Variants in RGL1 observed in about 807,000 individuals in gnomAD.
RGL1 encodes ral guanine nucleotide dissociation stimulator like 1.
In RGL1, 24 loss-of-function variants were observed where a neutral mutation model predicts 95.2. The observed-to-expected ratio is 0.25, with a 90% CI of 0.18 to 0.35. The LOEUF (loss-of-function observed/expected upper bound fraction) is 0.35, where lower values mean the gene tolerates loss of function less well. RGL1 is among the 10% of genes least tolerant of loss of function. RGL1 has a pLI of 1.00. For missense variants in RGL1, 715 were observed against 936.3 expected (o/e 0.76, Z 3.08); for synonymous variants, 329 against 344.9 (o/e 0.95, Z 0.51).
intron 2 of RGL1, among the ~76,000 whole-genome samples, chr1:183,772,158 C>T (rs1185032945): frequency 6.6e-6 from 1 of 152,212 alleles, no homozygotes; most frequent in East Asian, 1.9e-4. Flanking sequence ...ACGATTCTTC[C>T]AAGGCAGGAA....
chr1:183,714,137 A>G (rs986077391), intron 1 of RGL1, among the ~76,000 whole-genome samples: 13 of 152,226 alleles, frequency 8.5e-5, no homozygotes, highest in Non-Finnish European at 1.3e-4. Flanking sequence ...TTTTGAATGA[A>G]CACATGTCAT....
intron 1 of RGL1, among the ~76,000 whole-genome samples, chr1:183,726,359 A>G (rs1656311963): frequency 6.6e-6 from 1 of 152,090 alleles, no homozygotes; most frequent in African/African-American, 2.4e-5. Flanking sequence ...AAAGATCAGT[A>G]TAATAGATAA....
chr1:183,902,657 A>C, intron 12 of RGL1, 57 bp downstream of exon 12: 14 of 1,538,386 alleles, frequency 9.1e-6, no homozygotes, highest in Non-Finnish European at 1.2e-5. Flanking sequence ...AATGAAAGAA[A>C]TGGGGACTTA....
intron 7 of RGL1, among the ~76,000 whole-genome samples, chr1:183,887,174 CT>C (rs1572555361): frequency 7.0e-6 from 1 of 141,874 alleles, no homozygotes; most frequent in Non-Finnish European, 1.5e-5. Flanking sequence ...CTCCCTCCCT[CT>C]TTTCCTCCCT....
intron 10 of RGL1, among the ~76,000 whole-genome samples, chr1:183,898,262 G>A (rs1156831411): frequency 6.6e-6 from 1 of 152,186 alleles, no homozygotes; most frequent in African/African-American, 2.4e-5. Context: ...GCTTCCTACT[G>A]TAGTCAGCTT....
chr1:183,752,666 TTCTC>T (rs1658084903), intron 2 of RGL1, among the ~76,000 whole-genome samples: 1 of 66,814 alleles, frequency 1.5e-5, no homozygotes, highest in Non-Finnish European at 3.0e-5. Context: ...ACACATCTCT[TTCTC>T]TCTTTCTCTC....
chr1:183,824,918 CTATATA>C (rs537552032), intron 2 of RGL1, among the ~76,000 whole-genome samples: 93 of 152,284 alleles, frequency 6.1e-4, no homozygotes, highest in Non-Finnish European at 1.0e-3. Context: ...GCCAAGGTTT[CTATATA>C]TCCTGCAGCA....
chr1:183,749,628 G>A (rs6671886), intron 2 of RGL1, among the ~76,000 whole-genome samples: 105,667 of 152,066 alleles, frequency 0.69, 37,074 homozygotes, highest in East Asian at 0.91. Context: ...AATTTTGCAC[G>A]TTAGTTGATG....
At chr1:183,772,022 G>T (rs925661684) in intron 2 of RGL1, among the ~76,000 whole-genome samples, 3 of 152,238 alleles carry the variant, frequency 2.0e-5, no homozygotes, top group African/African-American at 7.2e-5. Context: ...TTTGGCCAGG[G>T]CAGTCGGAGG....
intron 1 of RGL1, among the ~76,000 whole-genome samples, chr1:183,662,549 C>A (rs893651079): frequency 7.9e-5 from 12 of 151,968 alleles, no homozygotes; most frequent in Admixed American, 2.6e-4. Flanking sequence ...CCACTGCTCA[C>A]TGAAATAAAA....
intron 2 of RGL1, among the ~76,000 whole-genome samples, chr1:183,840,565 T>C (rs934927471): frequency 1.3e-5 from 2 of 152,078 alleles, no homozygotes; most frequent in Non-Finnish European, 2.9e-5. Context: ...TCATTCATTA[T>C]GTGAAACCCA....
At chr1:183,775,170 A>G (rs964441663) in intron 2 of RGL1, among the ~76,000 whole-genome samples, 2 of 152,200 alleles carry the variant, frequency 1.3e-5, no homozygotes, top group Non-Finnish European at 2.9e-5. Context: ...TCACTGTCTC[A>G]GTGATTGACT....
At chr1:183,690,593 A>T (rs1388695774) in intron 1 of RGL1, among the ~76,000 whole-genome samples, 2 of 152,192 alleles carry the variant, frequency 1.3e-5, no homozygotes, top group African/African-American at 4.8e-5. Context: ...GATGGAGGCT[A>T]CACTGCCTGT....
chr1:183,837,698 T>C (rs1252181839), intron 2 of RGL1, among the ~76,000 whole-genome samples: 1 of 152,202 alleles, frequency 6.6e-6, no homozygotes, highest in Non-Finnish European at 1.5e-5. Context: ...ACCTGTTAAT[T>C]CATAACGCCT....
chr1:183,904,039 C>T (rs1668177283), intron 12 of RGL1, among the ~76,000 whole-genome samples: 1 of 152,096 alleles, frequency 6.6e-6, no homozygotes, highest in South Asian at 2.1e-4. Flanking sequence ...CCTCAGTTCC[C>T]CTCTCTGTCA....
intron 2 of RGL1, among the ~76,000 whole-genome samples, chr1:183,767,433 T>C (rs1659036580): frequency 6.6e-6 from 1 of 152,182 alleles, no homozygotes; most frequent in Non-Finnish European, 1.5e-5. Context: ...CAAAAGCACG[T>C]GACGGATATT....
At chr1:183,874,634 C>T (rs951531357) in intron 4 of RGL1, among the ~76,000 whole-genome samples, 4 of 152,028 alleles carry the variant, frequency 2.6e-5, no homozygotes, top group Non-Finnish European at 5.9e-5. Flanking sequence ...CTCTCTTTCA[C>T]GTCTCCTCCT....
chr1:183,918,417 G>A (rs887668681), intron 16 of RGL1, among the ~76,000 whole-genome samples: 3 of 152,178 alleles, frequency 2.0e-5, no homozygotes, highest in Non-Finnish European at 4.4e-5. Flanking sequence ...AGCATGGTCT[G>A]TTCACCTGGC....
At chr1:183,913,182 CTTTTTTTTTTTTTT>C (rs537751695) in intron 15 of RGL1, among the ~76,000 whole-genome samples, 5 of 68,246 alleles carry the variant, frequency 7.3e-5, no homozygotes, top group East Asian at 5.0e-4. Flanking sequence ...GACCAGTCTT[CTTTTTTTTTTTTTT>C]TTTTTTTTTT....
Sources: allele counts gnomAD v4.1 joint callset (sites outside exome capture counted in the v4.1 genomes callset), GRCh38; gene constraint gnomAD v4.1.1; transcripts MANE v1.5; gene names NCBI Gene and HGNC (gene_info 2026-07-23, HGNC 2026-07-21).